The following LHX2 variants were observed in gnomAD, a reference collection of about 807,000 sequenced individuals.
LHX2 encodes the protein LIM homeobox 2.
In LHX2, 6 loss-of-function variants were observed where a neutral mutation model predicts 33.0. The observed-to-expected ratio is 0.18, with a 90% CI of 0.10 to 0.36. The LOEUF is 0.36. LHX2 is among the 10% of genes least tolerant of loss of function. The pLI is 1.00. For missense variants in LHX2, 442 were observed against 586.2 expected, an observed-to-expected ratio of 0.75 and a Z score of 2.54; for synonymous variants, 292 against 253.1, an observed-to-expected ratio of 1.15 and a Z score of -1.46.
chr9:124,029,134 A>AATG (rs112323148), intron 4 of LHX2, among the ~76,000 whole-genome samples: 1,782 of 152,126 alleles, frequency 0.012, 28 homozygotes, highest in African/African-American at 0.041. Context: ...TAATAATAAT[A>AATG]ATAGTCAATA....
chr9:124,013,951 C>T lies in LHX2; in HGVS notation c.121-10C>T, dbSNP rs1003855499. 5.6e-6 allele frequency: 9 copies of T among 1,610,316 alleles called. No homozygotes were observed. The highest frequency in any genetic ancestry group is 7.6e-6 in the Non-Finnish European group (9 of 1,178,512). Reference sequence around the variant, plus strand: ...AGGCGCTGCTGTCTTCCGCCTCCCTCCCTTCGCAGACCATGCCGTCCATCA... The same window carrying T: ...AGGCGCTGCTGTCTTCCGCCTCCCTTCCTTCGCAGACCATGCCGTCCATCA... On this transcript the variant is annotated splice_polypyrimidine_tract_variant and intron_variant, in intron 1 of 4. Coordinates refer to ENST00000373615, the MANE Select transcript of LHX2 (RefSeq NM_004789.4).
rs1588345756 is a variant in LHX2 at position 124,015,545 on chromosome 9, A to G, written c.727+20A>G. 4 of 1,451,492 alleles carry G rather than the reference A, an allele frequency of 2.8e-6. No individual in the cohort carries two copies. In the East Asian group the frequency reaches 1.0e-4, roughly 36 times the overall value. The allele number at this position is 1,451,492 out of a possible 1,614,324, so 89.9% of individuals were successfully genotyped here. On this transcript the variant is annotated intron_variant, in intron 3 of 4. Coordinates refer to ENST00000373615, the MANE Select transcript of LHX2 (RefSeq NM_004789.4). The surrounding 1 kb of genome is among the most constrained non-coding windows in gnomAD (Gnocchi z 7.9). ...ACGCTGGTGAGTGCGCGGCGCACGAAGCGCCCCCATAGGGTTGGGGGAAAG... is the reference window on the plus strand; with the variant it reads ...ACGCTGGTGAGTGCGCGGCGCACGAGGCGCCCCCATAGGGTTGGGGGAAAG...
At chr9:124,013,647 C>G (rs1859131047) in intron 1 of LHX2, among the ~76,000 whole-genome samples, 2 of 152,252 alleles carry the variant, frequency 1.3e-5, no homozygotes, top group South Asian at 4.1e-4. Flanking sequence ...TCCCTAAACA[C>G]AGCCCGAGCA....
intron 4 of LHX2, among the ~76,000 whole-genome samples, chr9:124,030,478 G>A (rs896160424): frequency 6.6e-5 from 10 of 152,178 alleles, no homozygotes; most frequent in Admixed American, 5.2e-4. Flanking sequence ...TCCTTGGAAG[G>A]TTCAACCCCC....
At chr9:124,013,892 G>A in intron 1 of LHX2, 69 bp from the exon 2 acceptor site, 1 of 1,487,116 alleles carries the variant, frequency 6.7e-7, no homozygotes, top group African/African-American at 1.4e-5. Flanking sequence ...GTGGGTGCCG[G>A]TTTCCCGGCG....
intron 3 of LHX2, among the ~76,000 whole-genome samples, chr9:124,019,926 A>G (rs1859263386): frequency 1.3e-5 from 2 of 152,146 alleles, no homozygotes; most frequent in Non-Finnish European, 2.9e-5. Flanking sequence ...CAATTTTCTG[A>G]GGCCCAGGTT....
chr9:124,029,115 AAATAAT>A (rs371060108), intron 4 of LHX2, among the ~76,000 whole-genome samples: 7 of 151,208 alleles, frequency 4.6e-5, no homozygotes, highest in South Asian at 2.1e-4. Flanking sequence ...CTGTCTCAAA[AAATAAT>A]AATAATAATA....
Position 124,032,206 on chromosome 9 carries a change from C to A in LHX2, c.934-214C>A. ...GCAGTGAGTCGAGATTGTGTCACTGCACTTCAGCCTGGGGGACCAAGCCAG... is the reference window on the plus strand; with the variant it reads ...GCAGTGAGTCGAGATTGTGTCACTGAACTTCAGCCTGGGGGACCAAGCCAG... On this transcript the variant is annotated intron_variant, in intron 4 of 4. Coordinates refer to ENST00000373615, the MANE Select transcript of LHX2 (RefSeq NM_004789.4). The surrounding 1 kb of genome is among the most constrained non-coding windows in gnomAD (Gnocchi z 4.1). 1 of 524,574 alleles carries A rather than the reference C, an allele frequency of 1.9e-6. No homozygotes were observed. The highest frequency in any genetic ancestry group is 3.1e-5 in the South Asian group (1 of 32,374). The allele number at this position is 524,574 out of a possible 1,614,324, so 32.5% of individuals were successfully genotyped here.
Position 124,012,441 on chromosome 9 carries a change from C to A in LHX2, c.93C>A (p.Ser31=). The change falls in exon 1 of 5, where the codon TCC becomes TCA. Residue 31 remains serine (S), a synonymous_variant. Coordinates refer to ENST00000373615, the MANE Select transcript of LHX2 (RefSeq NM_004789.4). The surrounding 1 kb of genome is among the most constrained non-coding windows in gnomAD (Gnocchi z 4.3). The part of the protein sequence containing the change: ...RAKSEAPAIS[S]AIDRGDTETT... ...AGAGCGAGGCTCCCGCCATCAGCTC[C>A]GCCATCGACCGCGGCGACACCGAGA... 1 of 1,519,194 alleles carries A rather than the reference C, an allele frequency of 6.6e-7. No individual in the cohort carries two copies. Among genetic ancestry groups the A allele is most frequent in the Non-Finnish European group, 8.8e-7 (1 of 1,141,946 alleles). 94.1% of individuals were successfully genotyped at this position (1,519,194 alleles called of 1,614,324 possible).
chr9:124,023,482 G>A (rs1293603993), intron 4 of LHX2, among the ~76,000 whole-genome samples: 1 of 152,196 alleles, frequency 6.6e-6, no homozygotes, highest in Non-Finnish European at 1.5e-5. Flanking sequence ...GGTTCAGGAA[G>A]ACCTGGGCTG....
At position 124,021,059 on chromosome 9, in the gene LHX2, G is replaced by A. The variant is rs538411433; in HGVS notation, c.728-40G>A. The A allele has an allele frequency of 1.6e-5, 25 of 1,599,300 alleles. No individual in the cohort carries two copies. In the African/African-American group the frequency reaches 1.9e-4, roughly 12 times the overall value. ...AGTGTGGATTTGGCATGGGGGGCGG[G>A]TCAGGAAGTTCACCCACCGGCTCTG... On this transcript the variant is annotated intron_variant, in intron 3 of 4. Transcript: ENST00000373615.
chr9:124,022,433 C>T (rs1859309453), intron 4 of LHX2, among the ~76,000 whole-genome samples: 1 of 152,212 alleles, frequency 6.6e-6, no homozygotes, highest in Admixed American at 6.5e-5. Context: ...GAAGGCAAGA[C>T]AATGCCTCCC....
chr9:124,021,265 G>T lies in LHX2; in HGVS notation c.894G>T (p.Gln298His). 5.6e-6 allele frequency: 9 copies of T among 1,614,064 alleles called. No homozygotes were observed. The highest frequency in any genetic ancestry group is 7.6e-6 in the Non-Finnish European group (9 of 1,180,040). ...ACCCCGACGCCAAGGACTTGAAGCA[G>T]CTCGCGCAAAAGACGGGCCTCACCA... ...NHNPDAKDLK[Q>H]LAQKTGLTKR... Residue 298 changes from glutamine (Q) to histidine (H), a missense_variant, in exon 4 of 5, where the codon CAG becomes CAT. Gln to His is a conservative substitution (Grantham distance 24). Transcript: ENST00000373615.
chr9:124,022,785 G>T (rs372058805), intron 4 of LHX2, among the ~76,000 whole-genome samples: 4 of 152,240 alleles, frequency 2.6e-5, no homozygotes, highest in Admixed American at 2.0e-4. Flanking sequence ...CTGCAGCTGC[G>T]GGGGGAGCCG....
rs891557329 is a variant in LHX2, at chr9:124,014,846, C to G, written c.324-276C>G. Among the ~76,000 whole-genome samples, 2 of 152,250 alleles carry G rather than the reference C, an allele frequency of 1.3e-5. No homozygotes were observed. The highest frequency in any genetic ancestry group is 3.9e-4 in the East Asian group (2 of 5,176). On this transcript the variant is annotated intron_variant, in intron 2 of 4. Transcript: ENST00000373615. This position sits in a 1 kb window ranked among gnomAD's most constrained non-coding sequence, Gnocchi z 4.8. ...GGAGGGGGTAAGTGGTAAGTGTCTC[C>G]CTCCACTCCCAGGTAAAGGCTTTCC...
chr9:124,017,808 T>G (rs1055214330), intron 3 of LHX2, among the ~76,000 whole-genome samples: 1 of 151,928 alleles, frequency 6.6e-6, no homozygotes, highest in Non-Finnish European at 1.5e-5. Context: ...GGTCGGAAAG[T>G]CCTTCCGGGG....
rs934698783 is a variant in LHX2 at position 124,032,740 on chromosome 9, A to G, written c.*33A>G. ...CAACCCCTCACCCCACAATTTCTTT[A>G]AAAAAGAAATTATCTTTAGTTGAAT... On this transcript the variant is annotated 3_prime_UTR_variant, in exon 5 of 5. Transcript: ENST00000373615. The surrounding 1 kb of genome is among the most constrained non-coding windows in gnomAD (Gnocchi z 4.1). 1 of 1,519,576 alleles carries G rather than the reference A, an allele frequency of 6.6e-7. No homozygotes were observed. Among genetic ancestry groups the G allele is most frequent in the Non-Finnish European group, 8.8e-7 (1 of 1,131,290 alleles). The allele number at this position is 1,519,576 out of a possible 1,614,324, so 94.1% of individuals were successfully genotyped here. A position where few individuals can be genotyped will look rare whatever the true frequency, so the allele number is the denominator to read the frequency against.
chr9:124,022,210 CT>C (rs1859305247), intron 4 of LHX2, among the ~76,000 whole-genome samples: 1 of 152,154 alleles, frequency 6.6e-6, no homozygotes, highest in Non-Finnish European at 1.5e-5. Context: ...TTTTTGTAGC[CT>C]GTTTCCTCAT....
chr9:124,012,584 G>C lies in LHX2; in HGVS notation c.120+116G>C. On this transcript the variant is annotated intron_variant, in intron 1 of 4. Coordinates refer to ENST00000373615, the MANE Select transcript of LHX2 (RefSeq NM_004789.4). This position sits in a 1 kb window ranked among gnomAD's most constrained non-coding sequence, Gnocchi z 4.3. ...TCGTGCCGCACGGGACTGGGTGCTG[G>C]GGATCCTCGGTCAGAATGCAAGGCC... 12 of 1,230,110 alleles carry C rather than the reference G, an allele frequency of 9.8e-6. No individual in the cohort carries two copies. Among genetic ancestry groups the C allele is most frequent in the Non-Finnish European group, 1.3e-5 (12 of 950,116 alleles). 76.2% of individuals were successfully genotyped at this position (1,230,110 alleles called of 1,614,324 possible).
Sources: gnomAD v4.1 joint callset for allele counts (sites outside exome capture counted in the v4.1 genomes callset) on GRCh38, gnomAD v4.1.1 for gene constraint, Gnocchi (gnomAD v3.1) non-coding constraint, MANE v1.5 for transcripts, NCBI Gene and HGNC (gene_info 2026-07-23, HGNC 2026-07-21) for gene names.